TYMP: variants seen among roughly 807,000 people sequenced by gnomAD.
The protein encoded by TYMP is gliostatin.
TYMP carries 46 observed loss-of-function variants against 42.3 expected under a neutral mutation model. The ratio of observed to expected loss-of-function variants is 1.09; its 90% CI spans 0.86 to 1.39. TYMP has a LOEUF of 1.39. Ranked by LOEUF, TYMP falls within the 40% of genes most tolerant of loss-of-function variation. The pLI is 0.00. For missense variants in TYMP, 837 were observed against 677.6 expected (o/e 1.24, Z -2.61); for synonymous variants, 363 against 308.0 (o/e 1.18, Z -1.87).
At chr22:50,526,923 G>C (rs1478506992) in intron 6 of TYMP, among the ~76,000 whole-genome samples, 185 bp from the exon 7 acceptor site, 1 of 152,262 alleles carries the variant, frequency 6.6e-6, no homozygotes, top group Non-Finnish European at 1.5e-5. Context: ...GGAGGAACTT[G>C]TACTTGGTCT....
intron 4 of TYMP, chr22:50,528,271 C>G: frequency 1.7e-6 from 1 of 579,142 alleles, no homozygotes. Flanking sequence ...TCCCCAAGTG[C>G]TAGGACTACA....
In TYMP at chr22:50,526,045, A is replaced by G. The variant is rs1316453342; in HGVS notation, c.1256T>C (p.Val419Ala). The G allele has an allele frequency of 6.8e-7, 1 of 1,478,180 alleles. No homozygotes were observed. The highest frequency in any genetic ancestry group is 8.9e-7 in the Non-Finnish European group (1 of 1,122,050). The allele number at this position is 1,478,180 out of a possible 1,614,324, so 91.6% of individuals were successfully genotyped here. A position where few individuals can be genotyped will look rare whatever the true frequency, so the allele number is the denominator to read the frequency against. ...SRAGEPLRLGVGAELLVDVGQ... is the reference protein window; with the variant it reads ...SRAGEPLRLGAGAELLVDVGQ... ...CACGTCGACCAGCAGCTCTGCGCCC[A>G]CCCCCAGGCGGAGCGGCTCCCCAGC... The change falls in exon 9 of 10, where the codon GTG (valine) becomes GCG (alanine). Residue 419 changes from valine to alanine, a missense_variant. Physicochemically the swap from Val to Ala is moderately conservative, Grantham distance 64 (BLOSUM62 0). Transcript: ENST00000252029.
chr22:50,526,758 C>G lies in TYMP; in HGVS notation c.766-20G>C. ...GCCAACCTGCGGAGAGGAGGCTCAG[C>G]GTGGACCCCCCATGGCGGGGCCTTC... On this transcript the variant is annotated intron_variant, in intron 6 of 9. Coordinates refer to ENST00000252029, the MANE Select transcript of TYMP (RefSeq NM_001953.5). The G allele has an allele frequency of 6.5e-7, 1 of 1,533,278 alleles. No individual in the cohort carries two copies. Among genetic ancestry groups the G allele is most frequent in the South Asian group, 1.2e-5 (1 of 83,784 alleles). The allele number at this position is 1,533,278 out of a possible 1,614,324, so 95.0% of individuals were successfully genotyped here. A position where few individuals can be genotyped will look rare whatever the true frequency, so the allele number is the denominator to read the frequency against.
At chr22:50,528,653 C>G (rs745705418) in intron 3 of TYMP, 43 bp from the exon 4 acceptor site, 5 of 1,476,846 alleles carry the variant, frequency 3.4e-6, no homozygotes, top group Non-Finnish European at 2.8e-6. Flanking sequence ...GTACCCCTCC[C>G]CCACCTCTGT....
At position 50,526,041 on chromosome 22, in the gene TYMP, G is replaced by A; in HGVS notation, c.1260C>T (p.Gly420=). 3 of 1,479,188 alleles carry A rather than the reference G, an allele frequency of 2.0e-6. No individual in the cohort carries two copies. Among genetic ancestry groups the A allele is most frequent in the East Asian group, 2.9e-5 (1 of 34,410 alleles). The allele number at this position is 1,479,188 out of a possible 1,614,324, so 91.6% of individuals were successfully genotyped here. A position where few individuals can be genotyped will look rare whatever the true frequency, so the allele number is the denominator to read the frequency against. The change falls in exon 9 of 10, where the codon GGC becomes GGT. Residue 420 remains glycine, a synonymous_variant. Coordinates refer to ENST00000252029, the MANE Select transcript of TYMP (RefSeq NM_001953.5). ...GACCCACGTCGACCAGCAGCTCTGCGCCCACCCCCAGGCGGAGCGGCTCCC... is the reference window on the plus strand; with the variant it reads ...GACCCACGTCGACCAGCAGCTCTGCACCCACCCCCAGGCGGAGCGGCTCCC... ...RAGEPLRLGV[G]AELLVDVGQR... is the part of the protein sequence containing the mutation.
At chr22:50,529,876 C>G (rs376220309) in intron 1 of TYMP, 28 bp downstream of exon 1, 1 of 677,328 alleles carries the variant, frequency 1.5e-6, no homozygotes, top group Non-Finnish European at 2.5e-6. Flanking sequence ...CCCGCTTCCC[C>G]GCCTCGCGAC....
intron 6 of TYMP, among the ~76,000 whole-genome samples, 181 bp from the exon 7 acceptor site, chr22:50,526,919 A>G (rs1423491293): frequency 6.6e-6 from 1 of 152,214 alleles, no homozygotes; most frequent in Non-Finnish European, 1.5e-5. Context: ...GCCAGGAGGA[A>G]CTTGTACTTG....
intron 5 of TYMP, 139 bp downstream of exon 5, chr22:50,527,446 ATGG>A (rs1569522388): frequency 1.4e-5 from 20 of 1,381,350 alleles, no homozygotes; most frequent in East Asian, 4.6e-5. Flanking sequence ...GCCACCCCAC[ATGG>A]TGGTGGTCAG....
At chr22:50,528,427 A>G in intron 4 of TYMP, 85 bp downstream of exon 4, 2 of 1,193,042 alleles carry the variant, frequency 1.7e-6, no homozygotes, top group South Asian at 1.3e-5. Flanking sequence ...AGTGACCCTA[A>G]TGATCCACCA....
rs762408705 is a variant in TYMP at position 50,525,828 on chromosome 22, C to T, written c.1391G>A (p.Arg464His). ...GGGCGAGGGGGCGGCGAATGGCGCG[C>T]GGTCGGAGAGTACGAGCGCCTCCTG... is the stretch of plus-strand genomic sequence containing the variant. ...ALQEALVLSD[R>H]APFAAPSPFA... The change falls in exon 10 of 10, where the codon CGC becomes CAC. Residue 464 changes from arginine to histidine, a missense_variant. By Grantham distance (29) the Arg-to-His change is conservative (BLOSUM62 0). Transcript: ENST00000252029. 4.3e-6 allele frequency: 7 copies of T among 1,609,536 alleles called. No individual in the cohort carries two copies. In the East Asian group the frequency reaches 1.1e-4, roughly 26 times the overall value.
At chr22:50,526,805 C>G in intron 6 of TYMP, 67 bp from the exon 7 acceptor site, 1 of 1,488,464 alleles carries the variant, frequency 6.7e-7, no homozygotes, top group East Asian at 2.5e-5. Flanking sequence ...CTTGGTCGAA[C>G]TCCAGCCCCT....
intron 8 of TYMP, 52 bp from the exon 9 acceptor site, chr22:50,526,193 G>A (rs765601736): frequency 3.4e-6 from 5 of 1,482,038 alleles, no homozygotes; most frequent in Non-Finnish European, 4.5e-6. Context: ...CGGGGCCTCG[G>A]GAAGGGAAGG....
rs1454733117 is a variant in TYMP at position 50,526,446 on chromosome 22, G to C, written c.959C>G (p.Ala320Gly). ...GGCAGCGCCCTGGGCCTGAGTCCCC[G>C]CGTGTCCGCTGAGCCAGAGCAGGGC... Reference protein sequence around the residue: ...GGALLWLSGHAGTQAQGAARV... With the variant: ...GGALLWLSGHGGTQAQGAARV... The change falls in exon 8 of 10, where the codon GCG becomes GGG. Residue 320 changes from alanine to glycine, a missense_variant. Transcript: ENST00000252029. 4.7e-6 allele frequency: 7 copies of C among 1,497,972 alleles called. No individual in the cohort carries two copies. The East Asian group carries it at 1.8e-4, about 39-fold the overall frequency. 92.8% of individuals were successfully genotyped at this position (1,497,972 alleles called of 1,614,324 possible).
rs919300816 is a variant in TYMP, at chr22:50,526,512, C to T, written c.929-36G>A. ...GGACGGGTCTTAGGCGCGGCCGGGT[C>T]GGGGCGGCCCCAGCGGGAAGCACCC... is the stretch of plus-strand genomic sequence containing the variant. On this transcript the variant is annotated intron_variant, in intron 7 of 9. Transcript: ENST00000252029. The T allele has an allele frequency of 3.9e-6, 6 of 1,528,356 alleles. No homozygotes were observed. In the African/African-American group the frequency reaches 7.0e-5, roughly 18 times the overall value. 94.7% of individuals were successfully genotyped at this position (1,528,356 alleles called of 1,614,324 possible). A position where few individuals can be genotyped will look rare whatever the true frequency, so the allele number is the denominator to read the frequency against.
intron 4 of TYMP, 43 bp from the exon 5 acceptor site, chr22:50,527,760 CTT>C: frequency 7.9e-7 from 1 of 1,259,372 alleles, no homozygotes; most frequent in East Asian, 2.4e-5. Context: ...TGGTAAATGA[CTT>C]AGCAGCTTTT....
At position 50,526,295 on chromosome 22, in the gene TYMP, C is replaced by A. The variant is rs754410018; in HGVS notation, c.1110G>T (p.Gln370His). ...CCTGCTCCCGGGCGCGAGGCAGCAG[C>A]TGCCGGCGTTCTGCGGGACTTCCCG... ...LCSGSPAERRQLLPRAREQEE... is the reference protein window; with the variant it reads ...LCSGSPAERRHLLPRAREQEE... The change falls in exon 8 of 10, where the codon CAG (glutamine) becomes CAT (histidine). Residue 370 changes from glutamine to histidine, a missense_variant. Transcript: ENST00000252029. The A allele has an allele frequency of 3.3e-5, 51 of 1,554,614 alleles. No individual in the cohort carries two copies. The East Asian group carries it at 1.2e-3, about 35-fold the overall frequency.
In TYMP at chr22:50,529,586, T is replaced by C; in HGVS notation, c.124A>G (p.Met42Val). The C allele has an allele frequency of 6.2e-7, 1 of 1,613,166 alleles. No homozygotes were observed. Among genetic ancestry groups the C allele is most frequent in the Non-Finnish European group, 8.5e-7 (1 of 1,179,924 alleles). ...EPKQLPELIR[M>V]KRDGGRLSEA... is the part of the protein sequence containing the mutation. ...CTCAGGCGGCCTCCGTCTCGCTTCA[T>C]GCGGATCAGCTCCGGGAGCTGCTTG... Residue 42 changes from methionine to valine, a missense_variant, in exon 2 of 10, where the codon ATG (methionine) becomes GTG (valine). Met to Val is a conservative substitution (Grantham distance 21). Coordinates refer to ENST00000252029, the MANE Select transcript of TYMP (RefSeq NM_001953.5).
In TYMP at chr22:50,527,271, C is replaced by T; in HGVS notation, c.659G>A (p.Ser220Asn). The T allele has an allele frequency of 1.2e-6, 2 of 1,613,244 alleles. No homozygotes were observed. Among genetic ancestry groups the T allele is most frequent in the Non-Finnish European group, 1.7e-6 (2 of 1,179,562 alleles). ...GGACAGCCCCTCCACGAGTTTCTTA[C>T]TGAGAATGGAGGCTTTGGGGGAGGC... The part of the protein sequence containing the change: ...SLPLITASIL[S>N]KKLVEGLSAL... The change falls in exon 6 of 10, where the codon AGT becomes AAT. Residue 220 changes from serine (S) to asparagine (N), a missense_variant. Ser to Asn is a conservative substitution (Grantham distance 46). Coordinates refer to ENST00000252029, the MANE Select transcript of TYMP (RefSeq NM_001953.5).
chr22:50,529,492 G>C lies in TYMP; in HGVS notation c.214+4C>G, dbSNP rs1433995099. 2.5e-6 allele frequency: 4 copies of C among 1,612,238 alleles called. No homozygotes were observed. Among genetic ancestry groups the C allele is most frequent in the Non-Finnish European group, 8.5e-7 (1 of 1,179,832 alleles). ...GTCAGGAACGCCCAACCCTCCCCAC[G>C]CACCGATCTGTGCGCCCTGCGCGCT... On this transcript the variant is annotated splice_donor_region_variant and intron_variant, in intron 2 of 9. Transcript: ENST00000252029.
Sources: gnomAD v4.1 joint callset for allele counts (sites outside exome capture counted in the v4.1 genomes callset) on GRCh38, gnomAD v4.1.1 for gene constraint, MANE v1.5 for transcripts, NCBI Gene and HGNC (gene_info 2026-07-23, HGNC 2026-07-21) for gene names.